Variants in FAF1 observed in about 807,000 individuals in gnomAD.
The protein encoded by FAF1 is Fas associated factor 1, also known as FAS-associated factor 1.
FAF1 carries 25 observed loss-of-function variants against 92.5 expected under a neutral mutation model. The ratio of observed to expected loss-of-function variants is 0.27; its 90% CI spans 0.20 to 0.38. The LOEUF (loss-of-function observed/expected upper bound fraction) is 0.38. FAF1 is among the 10% of genes least tolerant of loss of function. The pLI is 1.00. For synonymous variants in FAF1, 234 were observed against 273.2 expected (o/e 0.86, Z 1.42); for missense variants, 636 against 793.3 (o/e 0.80, Z 2.38).
At chr1:50,630,880 G>A (rs1325444329) in intron 8 of FAF1, among the ~76,000 whole-genome samples, 2 of 139,340 alleles carry the variant, frequency 1.4e-5, no homozygotes, top group African/African-American at 5.4e-5. Context: ...CCAGGCTGGA[G>A]TGCAGTGGCA....
intron 1 of FAF1, among the ~76,000 whole-genome samples, chr1:50,906,826 C>A (rs149533827): frequency 6.6e-6 from 1 of 152,186 alleles, no homozygotes; most frequent in Non-Finnish European, 1.5e-5. Flanking sequence ...CATCTGCAAA[C>A]AGGGACAATC....
At chr1:50,644,903 T>C (rs1654514364) in intron 8 of FAF1, among the ~76,000 whole-genome samples, 1 of 152,262 alleles carries the variant, frequency 6.6e-6, no homozygotes, top group South Asian at 2.1e-4. Flanking sequence ...GCTGTCTTGC[T>C]TCCATGTGTT....
At chr1:50,713,584 G>A (rs1402670392) in intron 6 of FAF1, among the ~76,000 whole-genome samples, 1 of 151,294 alleles carries the variant, frequency 6.6e-6, no homozygotes, top group Non-Finnish European at 1.5e-5. Flanking sequence ...AAAAAACTAC[G>A]TTTTCTTTTC....
chr1:50,939,257 G>A (rs1324632692), intron 1 of FAF1, among the ~76,000 whole-genome samples: 1 of 152,062 alleles, frequency 6.6e-6, no homozygotes, highest in Non-Finnish European at 1.5e-5. Flanking sequence ...GTGTTTTGTA[G>A]TTCTCCTTGT....
At chr1:50,887,989 A>G (rs1345126861) in intron 1 of FAF1, among the ~76,000 whole-genome samples, 5 of 152,106 alleles carry the variant, frequency 3.3e-5, no homozygotes, top group Non-Finnish European at 5.9e-5. Flanking sequence ...TTTTCACGAT[A>G]TTGATTCTTC....
chr1:50,819,788 C>CGT lies in FAF1; in HGVS notation c.115-18112_115-18111insAC, dbSNP rs1185592168. Among the ~76,000 whole-genome samples, 167 of 54,216 alleles carry CGT rather than the reference C, an allele frequency of 3.1e-3. 9 individuals carry two copies. Among genetic ancestry groups the CGT allele is most frequent in the African/African-American group, 0.01 (150 of 14,642 alleles). 35.6% of individuals were successfully genotyped at this position (54,216 alleles called of 152,430 possible). Reference sequence around the variant, plus strand: ...ACGTATATATATATACATATATATACATATATATATATACATATATATATA... The same window carrying CGT: ...ACGTATATATATATACATATATATACGTATATATATATATACATATATATATA... On this transcript the variant is annotated intron_variant, in intron 2 of 18. Coordinates refer to ENST00000396153, the MANE Select transcript of FAF1 (RefSeq NM_007051.3).
chr1:50,710,837 C>T (rs112922656), intron 6 of FAF1, among the ~76,000 whole-genome samples: 3,012 of 151,462 alleles, frequency 0.02, 98 homozygotes, highest in African/African-American at 0.07. Context: ...TTCCTGACCT[C>T]GTGATCCGCC....
At chr1:50,573,998 G>C (rs1025280668) in intron 12 of FAF1, among the ~76,000 whole-genome samples, 1 of 152,020 alleles carries the variant, frequency 6.6e-6, no homozygotes, top group Non-Finnish European at 1.5e-5. Context: ...GTGTGGTGGG[G>C]TGCGCCTGTA....
At chr1:50,793,837 A>G (rs1179421467) in intron 3 of FAF1, among the ~76,000 whole-genome samples, 1 of 152,246 alleles carries the variant, frequency 6.6e-6, no homozygotes, top group African/African-American at 2.4e-5. Flanking sequence ...TGAATTGCAT[A>G]AGCAGCAAGT....
At position 50,452,239 on chromosome 1, in the gene FAF1, A is replaced by G. The variant is rs544470977; in HGVS notation, c.1870-10716T>C. 41 of 1,080,664 alleles carry G rather than the reference A, an allele frequency of 3.8e-5. 1 individual carries two copies. The African/African-American group carries it at 6.2e-4, about 16-fold the overall frequency. The allele number at this position is 1,080,664 out of a possible 1,614,324, so 66.9% of individuals were successfully genotyped here. A position where few individuals can be genotyped will look rare whatever the true frequency, so the allele number is the denominator to read the frequency against. ...CAAATAAAAGAAAGTCCCGCTTTACAGAACAATTTGCAAGCTCATTGCCCC... is the reference window on the plus strand; with the variant it reads ...CAAATAAAAGAAAGTCCCGCTTTACGGAACAATTTGCAAGCTCATTGCCCC... On this transcript the variant is annotated intron_variant, in intron 18 of 18. Transcript: ENST00000396153.
chr1:50,846,833 G>A (rs1004980444), intron 2 of FAF1: 1 of 594,288 alleles, frequency 1.7e-6, no homozygotes, highest in Admixed American at 2.2e-5. Flanking sequence ...CAAAGAAGAG[G>A]AAGAAGTGAG....
At chr1:50,834,358 C>T (rs1157853381) in intron 2 of FAF1, among the ~76,000 whole-genome samples, 2 of 152,226 alleles carry the variant, frequency 1.3e-5, no homozygotes, top group Non-Finnish European at 2.9e-5. Context: ...CCTTCCAACA[C>T]ATCCTACACA....
chr1:50,954,868 G>T (rs976027208), intron 1 of FAF1, among the ~76,000 whole-genome samples: 1 of 152,108 alleles, frequency 6.6e-6, no homozygotes, highest in East Asian at 1.9e-4. Context: ...AATTAGCCAG[G>T]CTTGGTGGCA....
chr1:50,848,666 T>A (rs1055687871), intron 2 of FAF1, among the ~76,000 whole-genome samples: 1 of 152,134 alleles, frequency 6.6e-6, no homozygotes, highest in Admixed American at 6.5e-5. Flanking sequence ...TGTTACACTA[T>A]GAAAAATAAA....
intron 4 of FAF1, among the ~76,000 whole-genome samples, chr1:50,773,804 A>G (rs1046170544): frequency 6.6e-6 from 1 of 152,196 alleles, no homozygotes; most frequent in Non-Finnish European, 1.5e-5. Context: ...GAAATAATGT[A>G]TCACTCAAAA....
chr1:50,678,206 G>C (rs1656224378), intron 7 of FAF1, among the ~76,000 whole-genome samples: 1 of 152,176 alleles, frequency 6.6e-6, no homozygotes. Flanking sequence ...ACTTGCCTAT[G>C]AGGCTGATGC....
intron 15 of FAF1, among the ~76,000 whole-genome samples, chr1:50,515,095 GAGATA>G (rs1423486553): frequency 1.3e-5 from 2 of 152,122 alleles, no homozygotes; most frequent in Admixed American, 6.5e-5. Flanking sequence ...TTAGAAACTG[GAGATA>G]AGATGAGTAA....
intron 1 of FAF1, among the ~76,000 whole-genome samples, chr1:50,915,899 A>G (rs144920776): frequency 5.3e-5 from 8 of 152,288 alleles, no homozygotes; most frequent in Admixed American, 2.6e-4. Flanking sequence ...ACAAGCAGGA[A>G]CCTTTAAAAA....
rs376102004 is a variant in FAF1, at chr1:50,941,367, G to A, written c.45+18400C>T. Among the ~76,000 whole-genome samples the A allele has an allele frequency of 1.8e-4, 28 of 152,088 alleles. No individual in the cohort carries two copies. The South Asian group carries it at 4.6e-3, about 25-fold the overall frequency. On this transcript the variant is annotated intron_variant, in intron 1 of 18. Coordinates refer to ENST00000396153, the MANE Select transcript of FAF1 (RefSeq NM_007051.3). ...TGAGACTACAGGTGCCAGCCACCAC[G>A]CCCAGCTAATTTTTGTATTTTCTTT...
Sources: allele counts gnomAD v4.1 joint callset (sites outside exome capture counted in the v4.1 genomes callset), GRCh38; gene constraint gnomAD v4.1.1; transcripts MANE v1.5; gene names NCBI Gene and HGNC (gene_info 2026-07-23, HGNC 2026-07-21).